GCLC: variants seen among roughly 807,000 people sequenced by gnomAD.
GCLC encodes the protein glutamate-cysteine ligase catalytic subunit, also known as glutamate--cysteine ligase catalytic subunit.
GCLC carries 30 observed loss-of-function variants against 81.5 expected under a neutral mutation model. That is an observed-to-expected ratio of 0.37 (90% CI 0.28 to 0.50). The LOEUF (loss-of-function observed/expected upper bound fraction) is 0.50, where lower values mean the gene tolerates loss of function less well. GCLC is among the 20% of genes least tolerant of loss of function. The probability of loss-of-function intolerance (pLI) is 0.96; values close to 1 mark genes in which losing one functional copy is unlikely to be tolerated. For missense variants in GCLC, 556 were observed against 777.4 expected, an observed-to-expected ratio of 0.72 and a Z score of 3.39; for synonymous variants, 262 against 273.3, an observed-to-expected ratio of 0.96 and a Z score of 0.41.
chr6:53,501,339 G>C (rs1764509052), intron 12 of GCLC: 1 of 152,348 alleles, frequency 6.6e-6, no homozygotes, highest in Admixed American at 6.5e-5. Context: ...CTGGAATAAG[G>C]TTACAGCCCT....
intron 6 of GCLC, among the ~76,000 whole-genome samples, chr6:53,512,395 TTTC>T (rs1424392424): frequency 7.9e-5 from 12 of 152,174 alleles, no homozygotes; most frequent in Admixed American, 7.9e-4. Context: ...TACTAAGCAG[TTTC>T]TTTTTTTTTT....
intron 12 of GCLC, chr6:53,505,176 T>A (rs1764589497): frequency 3.9e-6 from 2 of 518,584 alleles, no homozygotes; most frequent in South Asian, 4.2e-5. Context: ...AATCAATGTG[T>A]AGGACTACTT....
At chr6:53,499,239 CT>C (rs1764453105) in intron 15 of GCLC, among the ~76,000 whole-genome samples, 1 of 152,148 alleles carries the variant, frequency 6.6e-6, no homozygotes, top group Admixed American at 6.6e-5. Context: ...ACACTGCCAG[CT>C]CTTAAGGAAC....
rs533927574 is a variant in GCLC at position 53,514,292 on chromosome 6, G to A, written c.665C>T (p.Thr222Ile). ...AGCCCTTGAAGCTTCATCATCCTCA[G>A]TAAATGTTTCTATAAATGGAGATGG... The part of the protein sequence containing the change: ...NTPSPFIETF[T>I]EDDEASRASK... Residue 222 changes from threonine to isoleucine, a missense_variant, in exon 6 of 16, where the codon ACT (threonine) becomes ATT (isoleucine). Thr to Ile is a moderately conservative substitution (Grantham distance 89). Coordinates refer to ENST00000650454, the MANE Select transcript of GCLC (RefSeq NM_001498.4). 6.2e-7 allele frequency: 1 copy of A among 1,600,916 alleles called. No individual in the cohort carries two copies. Among genetic ancestry groups the A allele is most frequent in the South Asian group, 1.1e-5 (1 of 90,796 alleles).
chr6:53,506,064 GA>G lies in GCLC; in HGVS notation c.1198-170del. ...ATTTTCTTCGAGTGTGCTCTTTTAG[GA>G]AAACAAAACAGCCAAGTGTTTAACA... On this transcript the variant is annotated intron_variant, in intron 10 of 15. Coordinates refer to ENST00000650454, the MANE Select transcript of GCLC (RefSeq NM_001498.4). The surrounding 1 kb of genome is among the most constrained non-coding windows in gnomAD (Gnocchi z 4.0). 3.2e-6 allele frequency: 2 copies of G among 630,292 alleles called. No individual in the cohort carries two copies. The highest frequency in any genetic ancestry group is 5.8e-6 in the Non-Finnish European group (2 of 345,504). The allele number at this position is 630,292 out of a possible 1,614,324, so 39.0% of individuals were successfully genotyped here.
chr6:53,528,303 A>T (rs1399874168), intron 1 of GCLC, among the ~76,000 whole-genome samples: 1 of 152,222 alleles, frequency 6.6e-6, no homozygotes, highest in Non-Finnish European at 1.5e-5. Context: ...GATATGTCTA[A>T]TGATGACATC....
At chr6:53,508,021 T>C (rs555673633) in intron 8 of GCLC, among the ~76,000 whole-genome samples, 1 of 152,310 alleles carries the variant, frequency 6.6e-6, no homozygotes, top group African/African-American at 2.4e-5. Context: ...GCAGTAGTAG[T>C]ATAGCCCTGG....
intron 1 of GCLC, chr6:53,523,351 T>G (rs1256162244): frequency 2.6e-5 from 4 of 152,164 alleles, no homozygotes; most frequent in Non-Finnish European, 4.4e-5. Flanking sequence ...AAAACATCCA[T>G]TATCCATATA....
chr6:53,522,039 T>C (rs894956676), intron 2 of GCLC, among the ~76,000 whole-genome samples: 1 of 152,254 alleles, frequency 6.6e-6, no homozygotes, highest in African/African-American at 2.4e-5. Context: ...TCTTGCATCA[T>C]GGTTTGTGAT....
intron 1 of GCLC, among the ~76,000 whole-genome samples, chr6:53,530,068 A>G (rs1228829525): frequency 6.6e-6 from 1 of 152,252 alleles, no homozygotes; most frequent in African/African-American, 2.4e-5. Context: ...CTGAAGTTAG[A>G]CTAATCAACC....
In GCLC at chr6:53,544,797, C is replaced by T. The variant is rs1054397918; in HGVS notation, c.-152G>A. On this transcript the variant is annotated 5_prime_UTR_variant, in exon 1 of 16. Transcript: ENST00000650454. ...CGCAGTCGGCGGAGGGAGGGTCCTG[C>T]CCGCTCCGGCTCCCCGGCGGCGGCC... 9.4e-6 allele frequency: 6 copies of T among 637,530 alleles called. No homozygotes were observed. Among genetic ancestry groups the T allele is most frequent in the Non-Finnish European group, 1.2e-5 (5 of 415,990 alleles). The allele number at this position is 637,530 out of a possible 1,614,324, so 39.5% of individuals were successfully genotyped here.
chr6:53,526,937 G>A (rs1256105256), intron 1 of GCLC, among the ~76,000 whole-genome samples: 1 of 152,150 alleles, frequency 6.6e-6, no homozygotes, highest in Non-Finnish European at 1.5e-5. Flanking sequence ...AGCAGTTACA[G>A]GCAGTTCCCC....
chr6:53,538,543 A>G (rs145079661), intron 1 of GCLC, among the ~76,000 whole-genome samples: 3,330 of 152,084 alleles, frequency 0.022, 129 homozygotes, highest in African/African-American at 0.077. Flanking sequence ...ATGTTAGCCA[A>G]GATGGTCTTG....
chr6:53,543,820 T>C (rs553305547), intron 1 of GCLC, among the ~76,000 whole-genome samples: 5 of 152,360 alleles, frequency 3.3e-5, no homozygotes, highest in African/African-American at 1.2e-4. Flanking sequence ...GTTTAGTTGC[T>C]GGACCTAGGC....
chr6:53,543,423 A>T (rs1763392410), intron 1 of GCLC, among the ~76,000 whole-genome samples: 1 of 148,828 alleles, frequency 6.7e-6, no homozygotes, highest in South Asian at 2.2e-4. Flanking sequence ...CTTCAGCTGT[A>T]GGAGGTAGAA....
chr6:53,543,090 T>C (rs1000478917), intron 1 of GCLC, among the ~76,000 whole-genome samples: 2 of 152,138 alleles, frequency 1.3e-5, no homozygotes, highest in East Asian at 1.9e-4. Flanking sequence ...GAACTTGAAA[T>C]AGTAGTTCAT....
intron 1 of GCLC, among the ~76,000 whole-genome samples, chr6:53,535,161 T>C (rs1276336187): frequency 1.3e-5 from 2 of 152,016 alleles, no homozygotes; most frequent in Admixed American, 6.5e-5. Context: ...GGGCAGAGGT[T>C]TGTTTGAGCC....
Position 53,544,911 on chromosome 6 carries a change from C to T in GCLC, c.-266G>A, listed in dbSNP as rs866739312. On this transcript the variant is annotated 5_prime_UTR_variant, in exon 1 of 16. Transcript: ENST00000650454. ...AGAGCAGGCGGGACGGCTCTCGGCCCGGCGGCCTCGCCCTCCCCGCTGCTC... is the reference window on the plus strand; with the variant it reads ...AGAGCAGGCGGGACGGCTCTCGGCCTGGCGGCCTCGCCCTCCCCGCTGCTC... 6.3e-5 allele frequency: 18 copies of T among 283,570 alleles called. No individual in the cohort carries two copies. Among genetic ancestry groups the T allele is most frequent in the East Asian group, 4.5e-4 (7 of 15,506 alleles). 17.6% of individuals were successfully genotyped at this position (283,570 alleles called of 1,614,324 possible).
chr6:53,507,042 CA>C lies in GCLC; in HGVS notation c.1085-18del. 1 of 1,338,296 alleles carries C rather than the reference CA, an allele frequency of 7.5e-7. No homozygotes were observed. Among genetic ancestry groups the C allele is most frequent in the Non-Finnish European group, 1.1e-6 (1 of 928,426 alleles). The allele number at this position is 1,338,296 out of a possible 1,614,324, so 82.9% of individuals were successfully genotyped here. A position where few individuals can be genotyped will look rare whatever the true frequency, so the allele number is the denominator to read the frequency against. On this transcript the variant is annotated intron_variant, in intron 9 of 15. Transcript: ENST00000650454. ...GATCAATGCCTGCAAAAAGAGATCA[CA>C]TGGGAACTCACTGCAAAGCGAGAGA...
Sources: gnomAD v4.1 joint callset for allele counts (sites outside exome capture counted in the v4.1 genomes callset) on GRCh38, gnomAD v4.1.1 for gene constraint, Gnocchi (gnomAD v3.1) non-coding constraint, MANE v1.5 for transcripts, NCBI Gene and HGNC (gene_info 2026-07-23, HGNC 2026-07-21) for gene names.